The following CADM2 variants were observed in gnomAD, a reference collection of about 807,000 sequenced individuals.
The protein encoded by CADM2 is immunoglobulin superfamily member 4D.
Under a neutral mutation model 49.8 loss-of-function variants are expected in CADM2, and 12 were observed. The observed-to-expected ratio is 0.24, with a 90% confidence interval of 0.15 to 0.39. CADM2 has a LOEUF of 0.39. Among genes scored for constraint, CADM2 ranks in the 10% least tolerant of loss-of-function variants. The pLI is 1.00. For synonymous variants in CADM2, 214 were observed against 175.4 expected (o/e 1.22, Z -1.74); for missense variants, 378 against 492.3 (o/e 0.77, Z 2.20).
chr3:85,181,298 T>C (rs2040927865), intron 1 of CADM2, among the ~76,000 whole-genome samples: 1 of 152,172 alleles, frequency 6.6e-6, no homozygotes, highest in African/African-American at 2.4e-5. Flanking sequence ...TTGTGGTTAA[T>C]TCTTTTATTC....
chr3:85,799,155 T>C (rs963708553), intron 2 of CADM2, among the ~76,000 whole-genome samples: 11 of 152,196 alleles, frequency 7.2e-5, no homozygotes, highest in African/African-American at 2.7e-4. Flanking sequence ...GCTTATCAGC[T>C]TAAGGAGTTT....
chr3:85,895,868 TCTGTGAGGCCTCCCCAGCCATATGGAA>T (rs1490051598), intron 5 of CADM2, among the ~76,000 whole-genome samples: 1 of 152,166 alleles, frequency 6.6e-6, no homozygotes, highest in East Asian at 1.9e-4. Flanking sequence ...TCTTTTGCTT[TCTGTGAGGCCTCCCCAGCCATATGGAA>T]CTGTGAGTCC....
chr3:85,660,440 G>GT (rs10713157), intron 1 of CADM2, among the ~76,000 whole-genome samples: 3,720 of 143,032 alleles, frequency 0.026, 125 homozygotes, highest in African/African-American at 0.083. Flanking sequence ...TCGCTCTCCT[G>GT]TTTTTTTTTT....
In CADM2 at chr3:85,315,121, A is replaced by G. The variant is rs191033144; in HGVS notation, c.61+355453A>G. On this transcript the variant is annotated intron_variant, in intron 1 of 9. Coordinates refer to ENST00000383699, the MANE Select transcript of CADM2 (RefSeq NM_001167675.2). ...CTTAGCTTGCAGATATGTCACTCCA[A>G]TCTTTGTTTCCCTCATCATATGGCT... 2.6e-3 allele frequency among the ~76,000 whole-genome samples: 400 copies of G among 152,160 alleles called. 7 individuals carry two copies. Among genetic ancestry groups the G allele is most frequent in the Non-Finnish European group, 4.1e-4 (28 of 67,998 alleles).
intron 1 of CADM2, among the ~76,000 whole-genome samples, chr3:85,670,934 C>A (rs374790553): frequency 3.3e-5 from 5 of 152,118 alleles, no homozygotes; most frequent in East Asian, 3.9e-4. Context: ...AGATTGATCA[C>A]CTCTCCATCT....
chr3:85,490,359 G>A (rs1322380455), intron 1 of CADM2, among the ~76,000 whole-genome samples: 2 of 151,696 alleles, frequency 1.3e-5, no homozygotes, highest in Non-Finnish European at 2.9e-5. Flanking sequence ...AGTGTTAAGA[G>A]TCATTTTAGA....
intron 3 of CADM2, among the ~76,000 whole-genome samples, chr3:85,820,903 C>A (rs577614386): frequency 8.5e-5 from 13 of 152,068 alleles, no homozygotes; most frequent in Non-Finnish European, 1.6e-4. Flanking sequence ...TTTAAATACT[C>A]TTTTTATTTT....
chr3:85,726,454 T>C, intron 1 of CADM2, 68 bp from the exon 2 acceptor site: 3 of 1,554,264 alleles, frequency 1.9e-6, no homozygotes, highest in Non-Finnish European at 2.7e-6. Context: ...CTCTGCTTTC[T>C]TACTAGAGAA....
chr3:85,571,040 A>G (rs1233362359), intron 1 of CADM2, among the ~76,000 whole-genome samples: 1 of 152,184 alleles, frequency 6.6e-6, no homozygotes, highest in Non-Finnish European at 1.5e-5. Flanking sequence ...GTGTGGGCTC[A>G]TAAGTGAAGC....
chr3:85,679,547 G>A (rs2065980976), intron 1 of CADM2, among the ~76,000 whole-genome samples: 1 of 152,136 alleles, frequency 6.6e-6, no homozygotes, highest in Admixed American at 6.5e-5. Flanking sequence ...ATAACTTCTT[G>A]CTAACTTGAC....
At chr3:85,737,016 TA>T (rs2068167312) in intron 2 of CADM2, among the ~76,000 whole-genome samples, 1 of 152,216 alleles carries the variant, frequency 6.6e-6, no homozygotes, top group Non-Finnish European at 1.5e-5. Flanking sequence ...TAAGTGCCCT[TA>T]AATATTTGTG....
chr3:86,030,358 A>G (rs1196299435), intron 8 of CADM2, among the ~76,000 whole-genome samples: 1 of 152,056 alleles, frequency 6.6e-6, no homozygotes, highest in Non-Finnish European at 1.5e-5. Context: ...AACAAAAATA[A>G]CAAATTTCAG....
intron 1 of CADM2, among the ~76,000 whole-genome samples, chr3:85,589,092 G>T (rs182948799): frequency 3.3e-5 from 5 of 152,088 alleles, no homozygotes; most frequent in Middle Eastern, 3.4e-3. Flanking sequence ...CCTTAGAAAA[G>T]ATTTTGATAA....
At chr3:85,664,849 GC>G (rs946040762) in intron 1 of CADM2, among the ~76,000 whole-genome samples, 3 of 151,638 alleles carry the variant, frequency 2.0e-5, no homozygotes, top group African/African-American at 7.3e-5. Flanking sequence ...AGTCACCCCT[GC>G]CCCCCTTATG....
rs137961289 is a variant in CADM2 at position 85,052,527 on chromosome 3, C to T, written c.61+92859C>T. Among the ~76,000 whole-genome samples, 580 of 152,130 alleles carry T rather than the reference C, an allele frequency of 3.8e-3. 5 individuals are homozygous for T. Among genetic ancestry groups the T allele is most frequent in the Admixed American group, 9.8e-3 (149 of 15,262 alleles). On this transcript the variant is annotated intron_variant, in intron 1 of 9. Coordinates refer to ENST00000383699, the MANE Select transcript of CADM2 (RefSeq NM_001167675.2). ...ATTTTCTTTTGCAAAATATGCCACACTCTCAGGTAACCAATTGCCTCACCT... is the reference window on the plus strand; with the variant it reads ...ATTTTCTTTTGCAAAATATGCCACATTCTCAGGTAACCAATTGCCTCACCT...
chr3:85,074,092 G>A (rs1325149701), intron 1 of CADM2, among the ~76,000 whole-genome samples: 2 of 152,084 alleles, frequency 1.3e-5, no homozygotes, highest in Non-Finnish European at 2.9e-5. Context: ...ATATTGCACA[G>A]TGCAGCTGTA....
chr3:85,739,485 A>G lies in CADM2; in HGVS notation c.88+12937A>G, dbSNP rs527311960. 2.6e-5 allele frequency among the ~76,000 whole-genome samples: 4 copies of G among 152,226 alleles called. No homozygotes were observed. In the South Asian group the frequency reaches 8.3e-4, roughly 32 times the overall value. On this transcript the variant is annotated intron_variant, in intron 2 of 9. Coordinates refer to ENST00000383699, the MANE Select transcript of CADM2 (RefSeq NM_001167675.2). ...CTCTATTGATATTTGTAAAAATATA[A>G]ATGCAGAATTCAGAATTAACCCTGC... is the stretch of plus-strand genomic sequence containing the variant.
Position 85,164,521 on chromosome 3 carries a change from C to T in CADM2, c.61+204853C>T, listed in dbSNP as rs763152910. 1.4e-4 allele frequency among the ~76,000 whole-genome samples: 22 copies of T among 152,030 alleles called. 1 individual carries two copies. The highest frequency in any genetic ancestry group is 5.2e-4 in the Admixed American group (8 of 15,242). On this transcript the variant is annotated intron_variant, in intron 1 of 9. Transcript: ENST00000383699. ...CAAACATCTAAACAGCAATCTGTCACGGGAAGACCTGAGTTCTTTGAATTT... is the reference window on the plus strand; with the variant it reads ...CAAACATCTAAACAGCAATCTGTCATGGGAAGACCTGAGTTCTTTGAATTT...
chr3:85,222,770 T>G (rs987013538), intron 1 of CADM2, among the ~76,000 whole-genome samples: 3 of 152,168 alleles, frequency 2.0e-5, no homozygotes, highest in African/African-American at 7.2e-5. Flanking sequence ...TGCTAGCATT[T>G]ACTATTATGC....
Sources: allele counts gnomAD v4.1 joint callset (sites outside exome capture counted in the v4.1 genomes callset), GRCh38; gene constraint gnomAD v4.1.1; transcripts MANE v1.5; gene names NCBI Gene and HGNC (gene_info 2026-07-23, HGNC 2026-07-21).